The following PTPRS variants were observed in gnomAD, a reference collection of about 807,000 sequenced individuals.
PTPRS encodes protein tyrosine phosphatase receptor type S, also known as receptor-type tyrosine-protein phosphatase S.
PTPRS carries 63 observed loss-of-function variants against 215.3 expected under a neutral mutation model. The ratio of observed to expected loss-of-function variants is 0.29; its 90% confidence interval spans 0.24 to 0.36. The LOEUF is 0.36. Ranked by LOEUF, PTPRS falls within the 10% of genes least tolerant of loss-of-function variation. The probability of loss-of-function intolerance (pLI) is 1.00; values close to 1 mark genes in which losing one functional copy is unlikely to be tolerated. For synonymous variants in PTPRS, 1,404 were observed against 1,191.4 expected, an observed-to-expected ratio of 1.18 and a Z score of -3.68; for missense variants, 2,258 against 2,825.8, an observed-to-expected ratio of 0.80 and a Z score of 4.56.
At position 5,206,764 on chromosome 19, in the gene PTPRS, A is replaced by G. The variant is rs1143700; in HGVS notation, c.*10T>C. 1,313,517 of 1,611,932 alleles carry G rather than the reference A, an allele frequency of 0.81. 537,587 individuals carry two copies. Among genetic ancestry groups the G allele is most frequent in the African/African-American group, 0.96 (72,248 of 74,978 alleles). ...GGCCAGTGGTGTCGGGCCTGGGGGG[A>G]ACCATGGCTTTAGGTTGCATAGTGG... is the stretch of plus-strand genomic sequence containing the variant. On this transcript the variant is annotated 3_prime_UTR_variant, in exon 38 of 38. Transcript: ENST00000262963.
rs2042189127 is a variant in PTPRS at position 5,223,415 on chromosome 19, G to GC, written c.2495-119_2495-118insG. On this transcript the variant is annotated intron_variant, in intron 17 of 37. Transcript: ENST00000262963. ...ATATAACATTTTTTTGAGTTGGGGGGGGTCTTACTCTGTTGCCCAGCCTGG... is the reference window on the plus strand; with the variant it reads ...ATATAACATTTTTTTGAGTTGGGGGGCGGTCTTACTCTGTTGCCCAGCCTGG... 5 of 1,248,414 alleles carry GC rather than the reference G, an allele frequency of 4.0e-6. No individual in the cohort carries two copies. The South Asian group carries it at 7.6e-5, about 19-fold the overall frequency. The allele number at this position is 1,248,414 out of a possible 1,614,324, so 77.3% of individuals were successfully genotyped here.
intron 21 of PTPRS, 52 bp from the exon 22 acceptor site, chr19:5,220,206 C>T (rs752765218): frequency 3.7e-6 from 6 of 1,608,468 alleles, no homozygotes; most frequent in Non-Finnish European, 5.1e-6. Context: ...AGCAACAGAG[C>T]ACGTGAAAAC....
At chr19:5,260,965 C>G in intron 6 of PTPRS, 143 bp from the exon 7 acceptor site, 2 of 970,572 alleles carry the variant, frequency 2.1e-6, no homozygotes, top group Non-Finnish European at 3.1e-6. Flanking sequence ...CCTGGGCATA[C>G]GGACCCTGCG....
intron 16 of PTPRS, among the ~76,000 whole-genome samples, chr19:5,227,812 G>A (rs1468259941): frequency 1.3e-5 from 2 of 152,164 alleles, no homozygotes; most frequent in Non-Finnish European, 1.5e-5. Context: ...CACATAGTAG[G>A]TGCTCAATAA....
Position 5,257,941 on chromosome 19 carries a change from A to G in PTPRS, c.706+76T>C, listed in dbSNP as rs757499855. 5 of 1,271,914 alleles carry G rather than the reference A, an allele frequency of 3.9e-6. No individual in the cohort carries two copies. The African/African-American group carries it at 7.5e-5, about 19-fold the overall frequency. The allele number at this position is 1,271,914 out of a possible 1,614,324, so 78.8% of individuals were successfully genotyped here. A position where few individuals can be genotyped will look rare whatever the true frequency, so the allele number is the denominator to read the frequency against. ...GTGTGCAGGGGACGGGGGAGCCCGG[A>G]GGCGGTGAGCCCGAGGAGGGAGGGG... On this transcript the variant is annotated intron_variant, in intron 8 of 37. Coordinates refer to ENST00000262963, the MANE Select transcript of PTPRS (RefSeq NM_002850.4). The surrounding 1 kb of genome is among the most constrained non-coding windows in gnomAD (Gnocchi z 4.4).
intron 1 of PTPRS, among the ~76,000 whole-genome samples, chr19:5,331,126 TTTAAAAAAA>T (rs781145322): frequency 2.3e-5 from 1 of 42,560 alleles, no homozygotes; most frequent in Non-Finnish European, 4.9e-5. Flanking sequence ...GGCTTCTTTT[TTTAAAAAAA>T]AAAAAAAAAA....
chr19:5,246,070 C>T (rs112320333), intron 9 of PTPRS, 25 bp from the exon 10 acceptor site: 172 of 750,706 alleles, frequency 2.3e-4, no homozygotes, highest in African/African-American at 6.3e-4. Context: ...GCAGTGGCGG[C>T]GGGAGGGAGA....
chr19:5,228,730 G>A (rs1352443099), intron 16 of PTPRS, among the ~76,000 whole-genome samples: 1 of 152,222 alleles, frequency 6.6e-6, no homozygotes, highest in Non-Finnish European at 1.5e-5. Flanking sequence ...GTAGTCCAGA[G>A]AGAGGTAGCA....
At chr19:5,291,748 A>G (rs759242124) in intron 1 of PTPRS, among the ~76,000 whole-genome samples, 7 of 150,942 alleles carry the variant, frequency 4.6e-5, no homozygotes, top group South Asian at 4.2e-4. Context: ...CCTCCACTCC[A>G]AGCTGAGCCC....
At chr19:5,314,831 G>C (rs986800128) in intron 1 of PTPRS, among the ~76,000 whole-genome samples, 8 of 152,164 alleles carry the variant, frequency 5.3e-5, no homozygotes, top group African/African-American at 1.9e-4. Flanking sequence ...CTTCAGATCA[G>C]GGGCTTAGAT....
At chr19:5,236,494 A>G (rs2043451562) in intron 13 of PTPRS, among the ~76,000 whole-genome samples, 1 of 152,210 alleles carries the variant, frequency 6.6e-6, no homozygotes, top group Admixed American at 6.5e-5. Flanking sequence ...CCCTGGAGGG[A>G]GGCCCAGAGA....
At chr19:5,264,654 G>T (rs1266009977) in intron 5 of PTPRS, among the ~76,000 whole-genome samples, 4 of 152,146 alleles carry the variant, frequency 2.6e-5, no homozygotes, top group African/African-American at 9.7e-5. Flanking sequence ...GTGGGTGACA[G>T]CTGTGATCTC....
At chr19:5,334,993 G>T (rs372338475) in intron 1 of PTPRS, among the ~76,000 whole-genome samples, 1 of 152,182 alleles carries the variant, frequency 6.6e-6, no homozygotes, top group African/African-American at 2.4e-5. Flanking sequence ...TGCTGATCAC[G>T]GGGGTTAATT....
intron 23 of PTPRS, 73 bp from the exon 24 acceptor site, chr19:5,218,871 G>A: frequency 6.8e-7 from 1 of 1,468,538 alleles, no homozygotes; most frequent in South Asian, 1.3e-5. Flanking sequence ...GGCCATCAAG[G>A]GCTTGTTCTG....
intron 7 of PTPRS, among the ~76,000 whole-genome samples, chr19:5,259,163 A>C (rs974539823): frequency 5.3e-5 from 8 of 152,200 alleles, no homozygotes; most frequent in African/African-American, 1.9e-4. Context: ...ATAAAGATAC[A>C]AAGAAGAGGG....
At chr19:5,228,207 C>A (rs1222029567) in intron 16 of PTPRS, among the ~76,000 whole-genome samples, 1 of 151,736 alleles carries the variant, frequency 6.6e-6, no homozygotes, top group East Asian at 2.0e-4. Flanking sequence ...CAGCCAGGAC[C>A]AGTGGCTCAT....
rs745383561 is a variant in PTPRS, at chr19:5,208,373, C to A, written c.5506G>T (p.Val1836Phe). 6.2e-7 allele frequency: 1 copy of A among 1,603,134 alleles called. No homozygotes were observed. Among genetic ancestry groups the A allele is most frequent in the Non-Finnish European group, 8.5e-7 (1 of 1,174,252 alleles). The change falls in exon 36 of 38, where the codon GTC becomes TTC. Residue 1836 changes from valine (V) to phenylalanine (F), a missense_variant. Around this residue, in one of 6 missense-constraint regions of PTPRS, gnomAD observed 927 missense variants for 1,125.9 expected, o/e 0.82. Coordinates refer to ENST00000262963, the MANE Select transcript of PTPRS (RefSeq NM_002850.4). ...TDARDGQSRTVRQFQFTDWPE... is the reference protein window; with the variant it reads ...TDARDGQSRTFRQFQFTDWPE... ...CAGTCTGTGAACTGGAACTGCCGGACAGTCCGGGACTGGCCATCCTAGAGT... is the reference window on the plus strand; with the variant it reads ...CAGTCTGTGAACTGGAACTGCCGGAAAGTCCGGGACTGGCCATCCTAGAGT...
intron 17 of PTPRS, among the ~76,000 whole-genome samples, chr19:5,224,911 G>T: frequency 6.6e-6 from 1 of 152,268 alleles, no homozygotes; most frequent in African/African-American, 2.4e-5. Flanking sequence ...GGTCCCCGAG[G>T]AGAGGGTGGG....
At chr19:5,255,996 G>T (rs2045527161) in intron 9 of PTPRS, 112 bp downstream of exon 9, 5 of 721,098 alleles carry the variant, frequency 6.9e-6, no homozygotes, top group Admixed American at 3.5e-5. Context: ...TTTTCCGTGT[G>T]TGTGTCAGCG....
Sources: gnomAD v4.1 joint callset for allele counts (sites outside exome capture counted in the v4.1 genomes callset) on GRCh38, gnomAD v4.1.1 for gene constraint, gnomAD v4.1.1 regional missense constraint, Gnocchi (gnomAD v3.1) non-coding constraint, MANE v1.5 for transcripts, NCBI Gene and HGNC (gene_info 2026-07-23, HGNC 2026-07-21) for gene names.